TSPAN11: variants seen among roughly 807,000 people sequenced by gnomAD.
TSPAN11 encodes tetraspanin 11, also known as tetraspanin-11.
Under a neutral mutation model 32.9 loss-of-function variants are expected in TSPAN11, and 29 were observed. That is an observed-to-expected ratio of 0.88 (90% CI 0.66 to 1.20). TSPAN11 has a LOEUF of 1.20. Among genes scored for constraint, TSPAN11 ranks in the 50% most tolerant of loss-of-function variants. TSPAN11 has a pLI of 0.00. For missense variants in TSPAN11, 283 were observed against 329.1 expected, an observed-to-expected ratio of 0.86 and a Z score of 1.08; for synonymous variants, 140 against 141.3, an observed-to-expected ratio of 0.99 and a Z score of 0.07.
chr12:30,937,859 G>A (rs1938078510), intron 1 of TSPAN11, among the ~76,000 whole-genome samples: 1 of 152,232 alleles, frequency 6.6e-6, no homozygotes, highest in Admixed American at 6.5e-5. Context: ...ACCGCTCTGA[G>A]GTGCTGTCCT....
At chr12:30,939,210 C>T (rs1017497987) in intron 1 of TSPAN11, among the ~76,000 whole-genome samples, 1 of 146,804 alleles carries the variant, frequency 6.8e-6, no homozygotes, top group African/African-American at 2.6e-5. Flanking sequence ...CACTGCACTC[C>T]AGCCTGGGCG....
intron 1 of TSPAN11, among the ~76,000 whole-genome samples, chr12:30,949,040 TA>T (rs1938324898): frequency 6.6e-6 from 1 of 152,204 alleles, no homozygotes; most frequent in African/African-American, 2.4e-5. Context: ...GTCTCTTTGG[TA>T]AAACATACAA....
At chr12:31,011,650 A>C in the TSPAN11 span, among the ~76,000 whole-genome samples, 1 of 152,130 alleles carries the variant, frequency 6.6e-6, no homozygotes, top group East Asian at 1.9e-4. Context: ...ACTCTGTCAC[A>C]CTGCCCACAG....
rs1938940225 is a variant in TSPAN11, at chr12:30,975,150, GC to G, written c.277-3408del. Among the ~76,000 whole-genome samples, 4 of 152,304 alleles carry G rather than the reference GC, an allele frequency of 2.6e-5. No individual in the cohort carries two copies. The highest frequency in any genetic ancestry group is 2.1e-4 in the South Asian group (1 of 4,824). ...CACAGAGCCAGCGTGTGCCGCAGGG[GC>G]CCTGAGATGATCGCGCCGGACCCAG... On this transcript the variant is annotated intron_variant, in intron 3 of 7. Transcript: ENST00000546076. This position sits in a 1 kb window ranked among gnomAD's most constrained non-coding sequence, Gnocchi z 4.5.
intron 1 of TSPAN11, among the ~76,000 whole-genome samples, chr12:30,944,682 A>C (rs1420913412): frequency 6.6e-6 from 1 of 152,222 alleles, no homozygotes; most frequent in African/African-American, 2.4e-5. Context: ...ACAATGGAAG[A>C]CTGTTTGGTC....
chr12:30,942,188 G>A (rs1468724362), intron 1 of TSPAN11, among the ~76,000 whole-genome samples: 1 of 152,164 alleles, frequency 6.6e-6, no homozygotes. Flanking sequence ...AGAGAGTTGG[G>A]TCTAATCATT....
At chr12:30,957,029 G>A (rs763444237) in intron 2 of TSPAN11, among the ~76,000 whole-genome samples, 5 of 152,350 alleles carry the variant, frequency 3.3e-5, no homozygotes, top group South Asian at 4.1e-4. Context: ...AGGGGAGTGC[G>A]ATGACTTGAG....
At chr12:30,978,329 A>G (rs1939015902) in intron 3 of TSPAN11, 1 of 557,196 alleles carries the variant, frequency 1.8e-6, no homozygotes, top group Admixed American at 3.0e-5. Flanking sequence ...GCATGTATTT[A>G]ATACATATTG....
chr12:30,967,295 G>C (rs2140295607), intron 3 of TSPAN11, among the ~76,000 whole-genome samples: 1 of 152,358 alleles, frequency 6.6e-6, no homozygotes, highest in Non-Finnish European at 1.5e-5. Flanking sequence ...CCTGCCCAGA[G>C]GGAACCAAGC....
intron 1 of TSPAN11, among the ~76,000 whole-genome samples, chr12:30,929,337 G>T (rs1937869561): frequency 1.3e-5 from 2 of 152,140 alleles, no homozygotes; most frequent in African/African-American, 4.8e-5. Context: ...AACCATTTCT[G>T]CTTGGCCATG....
At chr12:30,931,361 G>A (rs765452135) in intron 1 of TSPAN11, among the ~76,000 whole-genome samples, 1 of 152,164 alleles carries the variant, frequency 6.6e-6, no homozygotes, top group Admixed American at 6.5e-5. Context: ...AAGGACAGAA[G>A]CAGACTGGTG....
chr12:30,956,146 A>G (rs1270404932), intron 2 of TSPAN11, among the ~76,000 whole-genome samples: 1 of 152,236 alleles, frequency 6.6e-6, no homozygotes, highest in Non-Finnish European at 1.5e-5. Flanking sequence ...TAACCTAAAA[A>G]GGCATCTGGG....
At chr12:30,974,472 G>A (rs145239302) in intron 3 of TSPAN11, among the ~76,000 whole-genome samples, 75 of 152,328 alleles carry the variant, frequency 4.9e-4, no homozygotes, top group African/African-American at 1.8e-3. Context: ...TAAGGTAACT[G>A]TGCTATGCTA....
intron 3 of TSPAN11, among the ~76,000 whole-genome samples, chr12:30,973,214 T>G (rs1938889131): frequency 6.6e-6 from 1 of 152,218 alleles, no homozygotes; most frequent in Admixed American, 6.5e-5. Context: ...AGCAAGCTAC[T>G]TAGCGTCTCC....
chr12:30,975,653 T>TC lies in TSPAN11; in HGVS notation c.277-2904dup, dbSNP rs145894059. Among the ~76,000 whole-genome samples, 62 of 151,750 alleles carry TC rather than the reference T, an allele frequency of 4.1e-4. 1 individual carries two copies. In the East Asian group the frequency reaches 5.7e-3, roughly 14 times the overall value. On this transcript the variant is annotated intron_variant, in intron 3 of 7. Coordinates refer to ENST00000546076, the MANE Select transcript of TSPAN11 (RefSeq NM_001370302.1). This position sits in a 1 kb window ranked among gnomAD's most constrained non-coding sequence, Gnocchi z 4.5. ...ATCTCTACCTCCCCATCCTCCCTGT[T>TC]CCCCACCCCGTCTTCAATAGTAACT... is the stretch of plus-strand genomic sequence containing the variant.
chr12:30,938,482 G>C (rs999138842), intron 1 of TSPAN11, among the ~76,000 whole-genome samples: 3 of 152,238 alleles, frequency 2.0e-5, no homozygotes, highest in African/African-American at 7.2e-5. Context: ...AAGGGGTGCT[G>C]GTTTACTAGA....
At chr12:30,991,007 G>A (rs1167631772) in intron 7 of TSPAN11, among the ~76,000 whole-genome samples, 1 of 152,182 alleles carries the variant, frequency 6.6e-6, no homozygotes, top group Non-Finnish European at 1.5e-5. Flanking sequence ...AGGCAGAGGA[G>A]GGCCCATGAA....
chr12:30,981,236 G>T (rs35091), intron 5 of TSPAN11, among the ~76,000 whole-genome samples: 35,052 of 152,168 alleles, frequency 0.23, 4,247 homozygotes, highest in Middle Eastern at 0.37. Flanking sequence ...CCCTGAGAAA[G>T]CAGTGGCTGC....
chr12:30,974,754 C>T (rs992189446), intron 3 of TSPAN11, among the ~76,000 whole-genome samples: 4 of 152,324 alleles, frequency 2.6e-5, no homozygotes, highest in East Asian at 3.9e-4. Context: ...AGCAGTGCTA[C>T]GGAGCAATGG....
Sources: gnomAD v4.1 joint callset for allele counts (sites outside exome capture counted in the v4.1 genomes callset) on GRCh38, gnomAD v4.1.1 for gene constraint, Gnocchi (gnomAD v3.1) non-coding constraint, MANE v1.5 for transcripts, NCBI Gene and HGNC (gene_info 2026-07-23, HGNC 2026-07-21) for gene names.